The following DPYD variants were observed in gnomAD, a reference collection of about 807,000 sequenced individuals.
DPYD encodes the protein dihydropyrimidine dehydrogenase, also known as dihydropyrimidine dehydrogenase [NADP(+)].
In DPYD, 109 loss-of-function variants were observed where a neutral mutation model predicts 116.2. The observed-to-expected ratio is 0.94, with a 90% CI of 0.80 to 1.10. The LOEUF is 1.10. DPYD is among the 50% of genes least tolerant of loss of function. The pLI is 0.00. For synonymous variants in DPYD, 440 were observed against 432.0 expected (o/e 1.02, Z -0.23); for missense variants, 1,302 against 1,254.5 (o/e 1.04, Z -0.57).
At chr1:97,649,957 A>G (rs1386287794) in intron 8 of DPYD, among the ~76,000 whole-genome samples, 2 of 151,742 alleles carry the variant, frequency 1.3e-5, no homozygotes, top group Non-Finnish European at 2.9e-5. Flanking sequence ...TCCCAACTCT[A>G]CTCTGCCATC....
chr1:97,915,294 G>T (rs1674158270), intron 1 of DPYD, among the ~76,000 whole-genome samples: 1 of 151,958 alleles, frequency 6.6e-6, no homozygotes, highest in Non-Finnish European at 1.5e-5. Flanking sequence ...GCTTGATTTG[G>T]GGAGATACAA....
At chr1:97,322,577 A>C (rs1027497610) in intron 16 of DPYD, 1 of 152,020 alleles carries the variant, frequency 6.6e-6, no homozygotes, top group Non-Finnish European at 1.5e-5. Flanking sequence ...GATTTTATCT[A>C]AAATCTTTAG....
intron 3 of DPYD, among the ~76,000 whole-genome samples, chr1:97,827,275 T>A (rs1188603969): frequency 6.6e-6 from 1 of 152,072 alleles, no homozygotes; most frequent in Non-Finnish European, 1.5e-5. Flanking sequence ...AAGGCGTATT[T>A]TAAAAACATA....
chr1:97,324,590 G>A (rs943609460), intron 16 of DPYD, among the ~76,000 whole-genome samples: 1 of 152,014 alleles, frequency 6.6e-6, no homozygotes, highest in Non-Finnish European at 1.5e-5. Context: ...CATCAACTTT[G>A]TCCTCAAAGA....
chr1:97,763,442 T>A (rs1271596877), intron 3 of DPYD, among the ~76,000 whole-genome samples: 1 of 151,936 alleles, frequency 6.6e-6, no homozygotes, highest in Non-Finnish European at 1.5e-5. Context: ...TTTCTCTCAT[T>A]CCCTTTAGTT....
chr1:97,258,589 C>A (rs1370833969), intron 18 of DPYD, among the ~76,000 whole-genome samples: 3 of 152,142 alleles, frequency 2.0e-5, no homozygotes, highest in Non-Finnish European at 2.9e-5. Flanking sequence ...CCACTTTCAT[C>A]CAAGTCCTTG....
At chr1:97,196,835 A>C (rs1658849797) in intron 19 of DPYD, among the ~76,000 whole-genome samples, 2 of 152,132 alleles carry the variant, frequency 1.3e-5, no homozygotes. Context: ...TATAACTACA[A>C]ATACTTTCCT....
intron 20 of DPYD, among the ~76,000 whole-genome samples, chr1:97,111,078 G>A (rs970245591): frequency 3.9e-5 from 6 of 151,922 alleles, no homozygotes; most frequent in African/African-American, 1.2e-4. Flanking sequence ...CCTTTGCTGG[G>A]TAGTACATAC....
intron 2 of DPYD, among the ~76,000 whole-genome samples, chr1:97,851,764 T>C (rs1670580162): frequency 6.6e-6 from 1 of 151,450 alleles, no homozygotes; most frequent in Non-Finnish European, 1.5e-5. Flanking sequence ...ATGTGAAAGT[T>C]TTCTATCAAT....
chr1:97,763,944 A>G (rs1665715234), intron 3 of DPYD, among the ~76,000 whole-genome samples: 1 of 152,076 alleles, frequency 6.6e-6, no homozygotes, highest in Non-Finnish European at 1.5e-5. Flanking sequence ...GTCAGGTCAC[A>G]ATTGTTTGCA....
At chr1:97,749,908 T>C (rs866592183) in intron 3 of DPYD, among the ~76,000 whole-genome samples, 2 of 152,126 alleles carry the variant, frequency 1.3e-5, no homozygotes, top group Non-Finnish European at 1.5e-5. Context: ...TGTAATCTTA[T>C]TTCACCTGGA....
chr1:97,139,760 T>C (rs527725105), intron 20 of DPYD, among the ~76,000 whole-genome samples: 1 of 152,294 alleles, frequency 6.6e-6, no homozygotes, highest in African/African-American at 2.4e-5. Context: ...TCCTTCTTTC[T>C]AAAGGTGGAT....
chr1:97,144,702 A>C (rs1654483661), intron 20 of DPYD, among the ~76,000 whole-genome samples: 1 of 152,226 alleles, frequency 6.6e-6, no homozygotes, highest in African/African-American at 2.4e-5. Flanking sequence ...TCATAATGAA[A>C]CACCAACTAT....
At chr1:97,352,278 T>C (rs191593196) in intron 16 of DPYD, among the ~76,000 whole-genome samples, 2 of 152,158 alleles carry the variant, frequency 1.3e-5, no homozygotes, top group Admixed American at 6.5e-5. Flanking sequence ...CTAAGGAATA[T>C]AAAAGATTGA....
At chr1:97,266,841 T>A (rs758530494) in intron 18 of DPYD, among the ~76,000 whole-genome samples, 10 of 152,136 alleles carry the variant, frequency 6.6e-5, no homozygotes, top group Non-Finnish European at 1.3e-4. Context: ...CATTCATGTC[T>A]CTGCAAAGGA....
chr1:97,878,312 G>T (rs367770670), intron 2 of DPYD, among the ~76,000 whole-genome samples: 11 of 151,742 alleles, frequency 7.2e-5, no homozygotes, highest in African/African-American at 1.9e-4. Flanking sequence ...TCTAATTTCT[G>T]CCCTAATCCC....
At chr1:97,395,044 A>G (rs1439543903) in intron 14 of DPYD, among the ~76,000 whole-genome samples, 1 of 151,936 alleles carries the variant, frequency 6.6e-6, no homozygotes, top group African/African-American at 2.4e-5. Context: ...TCTCATGTAG[A>G]CATTGCCTTC....
At chr1:97,893,133 C>A (rs1017807208) in intron 1 of DPYD, among the ~76,000 whole-genome samples, 1 of 151,476 alleles carries the variant, frequency 6.6e-6, no homozygotes, top group Non-Finnish European at 1.5e-5. Flanking sequence ...TACTCATATT[C>A]CTATATTGTC....
chr1:97,752,279 G>T (rs899893041), intron 3 of DPYD, among the ~76,000 whole-genome samples: 5 of 143,598 alleles, frequency 3.5e-5, no homozygotes, highest in East Asian at 4.3e-4. Context: ...AAAATAAAAA[G>T]TAAACCTACT....
Sources: gnomAD v4.1 joint callset for allele counts (sites outside exome capture counted in the v4.1 genomes callset) on GRCh38, gnomAD v4.1.1 for gene constraint, MANE v1.5 for transcripts, NCBI Gene and HGNC (gene_info 2026-07-23, HGNC 2026-07-21) for gene names.